ARB2A: variants seen among roughly 807,000 people sequenced by gnomAD.
ARB2A encodes ARB2 cotranscriptional regulator A, also known as cotranscriptional regulator ARB2A.
At chr5:93,753,643 C>T in the ARB2A span, among the ~76,000 whole-genome samples, 1 of 152,072 alleles carries the variant, frequency 6.6e-6, no homozygotes, top group African/African-American at 2.4e-5. Flanking sequence ...TTTCCTTTTC[C>T]TTTCTTCTTT....
At chr5:93,881,710 T>G in the ARB2A span, 1 of 1,431,922 alleles carries the variant, frequency 7.0e-7, no homozygotes, top group African/African-American at 1.5e-5. Flanking sequence ...TGAAAGAAGG[T>G]AGCATAATTT....
chr5:93,857,735 TC>T, the ARB2A span, among the ~76,000 whole-genome samples: 3 of 152,184 alleles, frequency 2.0e-5, no homozygotes, highest in African/African-American at 7.2e-5. Flanking sequence ...CCCTTGCGCT[TC>T]CCGAGTGAGG....
At chr5:93,668,118 T>G in the ARB2A span, among the ~76,000 whole-genome samples, 1 of 152,218 alleles carries the variant, frequency 6.6e-6, no homozygotes, top group African/African-American at 2.4e-5. Flanking sequence ...AAATTATTAT[T>G]ATATTTTGAG....
the ARB2A span, among the ~76,000 whole-genome samples, chr5:94,022,941 C>T: frequency 1.3e-5 from 2 of 152,154 alleles, no homozygotes; most frequent in Admixed American, 6.5e-5. Context: ...AGGATGATGA[C>T]GTTAAGGAGG....
At chr5:93,741,579 C>A in the ARB2A span, 2 of 1,504,338 alleles carry the variant, frequency 1.3e-6, no homozygotes, top group Non-Finnish European at 1.8e-6. Flanking sequence ...GAATGGCACC[C>A]GCAGCGGCTC....
chr5:93,643,206 G>A, the ARB2A span, among the ~76,000 whole-genome samples: 1,973 of 152,060 alleles, frequency 0.013, 34 homozygotes, highest in Non-Finnish European at 0.015. Flanking sequence ...TGCTATTTCC[G>A]GATACATCAA....
At chr5:93,749,981 G>A in the ARB2A span, among the ~76,000 whole-genome samples, 2 of 152,192 alleles carry the variant, frequency 1.3e-5, no homozygotes, top group African/African-American at 4.8e-5. Flanking sequence ...ACTAGGAGCA[G>A]AGAATCTTTG....
the ARB2A span, among the ~76,000 whole-genome samples, chr5:93,827,788 G>A: frequency 6.6e-6 from 1 of 151,808 alleles, no homozygotes; most frequent in East Asian, 1.9e-4. Flanking sequence ...GTGTAAGGAA[G>A]GGATCCAGTT....
chr5:93,838,987 A>C, the ARB2A span, among the ~76,000 whole-genome samples: 2 of 152,156 alleles, frequency 1.3e-5, no homozygotes, highest in Non-Finnish European at 2.9e-5. Flanking sequence ...ATCTGCACAC[A>C]GGGATAGTTT....
the ARB2A span, among the ~76,000 whole-genome samples, chr5:93,818,253 G>A: frequency 6.6e-6 from 1 of 152,170 alleles, no homozygotes; most frequent in Non-Finnish European, 1.5e-5. Context: ...AGGATTGTAA[G>A]TATGGGGAGA....
chr5:93,743,400 G>C, the ARB2A span: 3 of 211,412 alleles, frequency 1.4e-5, no homozygotes, highest in Admixed American at 2.0e-4. Flanking sequence ...AATCTCTGTA[G>C]CATTAATGGT....
chr5:93,845,087 C>T, the ARB2A span, among the ~76,000 whole-genome samples: 25 of 152,294 alleles, frequency 1.6e-4, no homozygotes, highest in Non-Finnish European at 2.9e-5. Flanking sequence ...CTATGAAAAG[C>T]TGTTTTTCAA....
chr5:94,100,608 G>C, the ARB2A span, among the ~76,000 whole-genome samples: 1 of 151,722 alleles, frequency 6.6e-6, no homozygotes, highest in Non-Finnish European at 1.5e-5. Context: ...CAATAGAACA[G>C]AATACAGAGA....
chr5:93,636,510 C>T, the ARB2A span, among the ~76,000 whole-genome samples: 2 of 152,214 alleles, frequency 1.3e-5, no homozygotes, highest in Admixed American at 1.3e-4. Flanking sequence ...TGTGAAGACA[C>T]AGTGAAAAGA....
chr5:93,698,416 T>C, the ARB2A span, among the ~76,000 whole-genome samples: 1 of 151,898 alleles, frequency 6.6e-6, no homozygotes, highest in Non-Finnish European at 1.5e-5. Context: ...CTAAAATATA[T>C]ACAGGGCTAG....
At chr5:93,663,808 T>C in the ARB2A span, among the ~76,000 whole-genome samples, 1 of 152,222 alleles carries the variant, frequency 6.6e-6, no homozygotes, top group African/African-American at 2.4e-5. Flanking sequence ...ATTGCTTCCC[T>C]AATGGAATAT....
At chr5:93,622,869 G>A in the ARB2A span, among the ~76,000 whole-genome samples, 1 of 151,660 alleles carries the variant, frequency 6.6e-6, no homozygotes, top group African/African-American at 2.4e-5. Context: ...ATATATATAT[G>A]CCTGCTTGCA....
the ARB2A span, among the ~76,000 whole-genome samples, chr5:93,629,780 A>G: frequency 2.0e-5 from 3 of 152,236 alleles, no homozygotes; most frequent in Non-Finnish European, 2.9e-5. Flanking sequence ...AAACACATTA[A>G]TATTAACAGG....
At chr5:93,933,907 G>A in the ARB2A span, among the ~76,000 whole-genome samples, 1 of 152,152 alleles carries the variant, frequency 6.6e-6, no homozygotes, top group Non-Finnish European at 1.5e-5. Context: ...TCAGGAGGCT[G>A]ATGCAGGAGA....
Sources: gnomAD v4.1 joint callset for allele counts (sites outside exome capture counted in the v4.1 genomes callset) on GRCh38, gnomAD v4.1.1 for gene constraint, MANE v1.5 for transcripts, NCBI Gene and HGNC (gene_info 2026-07-23, HGNC 2026-07-21) for gene names.